Variants in PGA5 observed in about 807,000 individuals in gnomAD.
PGA5 encodes the protein pepsin A-5.
A neutral mutation model predicts 15.9 loss-of-function variants in PGA5; 19 were observed. The ratio of observed to expected loss-of-function variants is 1.19; its 90% CI spans 0.83 to 1.75. The LOEUF (loss-of-function observed/expected upper bound fraction) is 1.75, where lower values mean the gene tolerates loss of function less well. PGA5 is among the 40% of genes most tolerant of loss of function. The pLI, the probability that PGA5 is intolerant of heterozygous loss-of-function variation, is 0.00. For synonymous variants in PGA5, 92 were observed against 95.8 expected, an observed-to-expected ratio of 0.96 and a Z score of 0.23; for missense variants, 224 against 246.4, an observed-to-expected ratio of 0.91 and a Z score of 0.61.
chr11:61,249,066 C>G (rs1590592962), intron 6 of PGA5, among the ~76,000 whole-genome samples: 1 of 152,116 alleles, frequency 6.6e-6, no homozygotes, highest in East Asian at 1.9e-4. Flanking sequence ...TGGGTTTTCC[C>G]AAGAATGAAC....
Position 61,248,173 on chromosome 11 carries a change from C to T in PGA5, c.657-246C>T, listed in dbSNP as rs184424030. The T allele has an allele frequency of 1.8e-4, 154 of 855,860 alleles. No individual in the cohort carries two copies. The East Asian group carries it at 2.6e-3, about 14-fold the overall frequency. The allele number at this position is 855,860 out of a possible 1,614,324, so 53.0% of individuals were successfully genotyped here. Reference sequence around the variant, plus strand: ...TCCAAACGTAGTTCCACCACTCCCCCGCTGTGTGACCTTGGGCAGGTGGCC... The same window carrying T: ...TCCAAACGTAGTTCCACCACTCCCCTGCTGTGTGACCTTGGGCAGGTGGCC... On this transcript the variant is annotated intron_variant, in intron 5 of 8. Coordinates refer to ENST00000312403, the MANE Select transcript of PGA5 (RefSeq NM_014224.5).
Position 61,251,254 on chromosome 11 carries a change from C to G in PGA5, c.1140C>G (p.Asn380Lys). The part of the protein sequence containing the change: ...QYFTVFDRAN[N>K]QVGLAPVA ...TTACCGTCTTCGACAGGGCAAACAA[C>G]CAGGTCGGCCTGGCCCCTGTGGCTT... Residue 380 changes from asparagine to lysine, a missense_variant, in exon 9 of 9, where the codon AAC becomes AAG. Physicochemically the swap from Asn to Lys is moderately conservative, Grantham distance 94 (BLOSUM62 0). Coordinates refer to ENST00000312403, the MANE Select transcript of PGA5 (RefSeq NM_014224.5). The G allele has an allele frequency of 6.2e-7, 1 of 1,611,862 alleles. No individual in the cohort carries two copies. The highest frequency in any genetic ancestry group is 1.1e-5 in the South Asian group (1 of 90,984).
Position 61,246,069 on chromosome 11 carries a change from G to A in PGA5, c.580G>A (p.Gly194Arg), listed in dbSNP as rs763929077. The A allele has an allele frequency of 5.4e-5, 23 of 428,172 alleles. No homozygotes were observed. The highest frequency in any genetic ancestry group is 7.9e-5 in the Non-Finnish European group (20 of 253,356). 26.5% of individuals were successfully genotyped at this position (428,172 alleles called of 1,614,324 possible). A position where few individuals can be genotyped will look rare whatever the true frequency, so the allele number is the denominator to read the frequency against. Reference protein sequence around the residue: ...GLAYPSISSSGATPVFDNIWN... With the variant: ...GLAYPSISSSRATPVFDNIWN... Reference sequence around the variant, plus strand: ...GGCCTACCCCAGCATTTCCTCCTCCGGGGCCACACCCGTCTTTGACAACAT... The same window carrying A: ...GGCCTACCCCAGCATTTCCTCCTCCAGGGCCACACCCGTCTTTGACAACAT... The change falls in exon 5 of 9, where the codon GGG becomes AGG. Residue 194 changes from glycine to arginine, a missense_variant. Coordinates refer to ENST00000312403, the MANE Select transcript of PGA5 (RefSeq NM_014224.5).
intron 5 of PGA5, 58 bp from the exon 6 acceptor site, chr11:61,248,361 A>T (rs563898130): frequency 4.3e-6 from 7 of 1,613,850 alleles, no homozygotes; most frequent in African/African-American, 1.3e-5. Context: ...GCAACAGCAG[A>T]TGGTCACACA....
At chr11:61,247,964 A>G (rs1282222304) in intron 5 of PGA5, among the ~76,000 whole-genome samples, 1 of 151,960 alleles carries the variant, frequency 6.6e-6, no homozygotes, top group Non-Finnish European at 1.5e-5. Flanking sequence ...CAATCATGAC[A>G]ATCCAAAATG....
Position 61,245,926 on chromosome 11 carries a change from A to T in PGA5, c.457-20A>T. 1 of 206,998 alleles carries T rather than the reference A, an allele frequency of 4.8e-6. No homozygotes were observed. Among genetic ancestry groups the T allele is most frequent in the Non-Finnish European group, 8.5e-6 (1 of 117,746 alleles). The allele number at this position is 206,998 out of a possible 1,614,324, so 12.8% of individuals were successfully genotyped here. ...TGAACATGACCCGATGGTGAACATCATCTCGGTTTCCCCACCCAGGTTGGA... is the reference window on the plus strand; with the variant it reads ...TGAACATGACCCGATGGTGAACATCTTCTCGGTTTCCCCACCCAGGTTGGA... On this transcript the variant is annotated intron_variant, in intron 4 of 8. Coordinates refer to ENST00000312403, the MANE Select transcript of PGA5 (RefSeq NM_014224.5).
chr11:61,250,724 G>T (rs1057135277), intron 8 of PGA5: 15 of 468,256 alleles, frequency 3.2e-5, no homozygotes, highest in Non-Finnish European at 5.5e-5. Context: ...TGCAGACAAG[G>T]TCGCAGCCCA....
At position 61,249,900 on chromosome 11, in the gene PGA5, C is replaced by T. The variant is rs768285368; in HGVS notation, c.919-16C>T. 8.7e-6 allele frequency: 14 copies of T among 1,613,620 alleles called. No individual in the cohort carries two copies. The East Asian group carries it at 2.0e-4, about 23-fold the overall frequency. On this transcript the variant is annotated splice_polypyrimidine_tract_variant and intron_variant, in intron 7 of 8. Coordinates refer to ENST00000312403, the MANE Select transcript of PGA5 (RefSeq NM_014224.5). The stretch of plus-strand genomic sequence containing the variant: ...ACGAAAACCCTTCTAACTTTTCTCA[C>T]CCTCACTCTTTCCAGATGGTGGTCA...
In PGA5 at chr11:61,251,031, G is replaced by A. The variant is rs537470718; in HGVS notation, c.1018-101G>A. The A allele has an allele frequency of 8.5e-5, 136 of 1,606,904 alleles. No homozygotes were observed. The South Asian group carries it at 1.2e-3, about 14-fold the overall frequency. ...TGAGCCAGGAAGCTCCTCCTTGCAC[G>A]TGCCTTACAGCTGGACCAGGGCTCC... On this transcript the variant is annotated intron_variant, in intron 8 of 8. Coordinates refer to ENST00000312403, the MANE Select transcript of PGA5 (RefSeq NM_014224.5).
Position 61,251,405 on chromosome 11 carries a change from T to C in PGA5, c.*124T>C, listed in dbSNP as rs958560368. The C allele has an allele frequency of 1.3e-6, 2 of 1,497,956 alleles. No individual in the cohort carries two copies. Among genetic ancestry groups the C allele is most frequent in the Non-Finnish European group, 1.8e-6 (2 of 1,116,472 alleles). The allele number at this position is 1,497,956 out of a possible 1,614,324, so 92.8% of individuals were successfully genotyped here. ...GTGAAGGTCTTGGCCCTGTTCCCTG[T>C]CCTACCAATAACGTAGAATAAAAAC... On this transcript the variant is annotated 3_prime_UTR_variant, in exon 9 of 9. Transcript: ENST00000312403.
At chr11:61,246,181 C>T (rs1171425845) in intron 5 of PGA5, 36 bp downstream of exon 5, 1 of 330,718 alleles carries the variant, frequency 3.0e-6, no homozygotes, top group Non-Finnish European at 5.6e-6. Flanking sequence ...TCCCACCTCC[C>T]CCTCCAGAGG....
intron 8 of PGA5, among the ~76,000 whole-genome samples, chr11:61,250,272 C>T (rs11602879): frequency 6.7e-6 from 1 of 150,162 alleles, no homozygotes; most frequent in African/African-American, 2.5e-5. Context: ...TGGACCCCTG[C>T]GTCCAAGTCC....
Position 61,249,701 on chromosome 11 carries a change from C to A in PGA5, c.806C>A (p.Ala269Asp). 6.2e-7 allele frequency: 1 copy of A among 1,613,524 alleles called. No individual in the cohort carries two copies. Among genetic ancestry groups the A allele is most frequent in the Non-Finnish European group, 8.5e-7 (1 of 1,179,844 alleles). ...ATGAACGGAGAGACCATCGCCTGTG[C>A]TGAGGGCTGCCAGGCCATTGTTGAC... Reference protein sequence around the residue: ...ITMNGETIACAEGCQAIVDTG... With the variant: ...ITMNGETIACDEGCQAIVDTG... Residue 269 changes from alanine to aspartate, a missense_variant, in exon 7 of 9, where the codon GCT (alanine) becomes GAT (aspartate). Physicochemically the swap from Ala to Asp is moderately radical, Grantham distance 126. Transcript: ENST00000312403.
intron 5 of PGA5, among the ~76,000 whole-genome samples, chr11:61,247,658 G>A (rs1854082632): frequency 6.6e-6 from 1 of 151,946 alleles, no homozygotes; most frequent in African/African-American, 2.4e-5. Flanking sequence ...AATGAATATT[G>A]CAATAACAAG....
intron 8 of PGA5, among the ~76,000 whole-genome samples, chr11:61,250,464 T>C (rs1854124738): frequency 6.6e-6 from 1 of 151,420 alleles, no homozygotes; most frequent in Admixed American, 6.6e-5. Context: ...CTAATTTCCA[T>C]AGGCTGGGGC....
At chr11:61,246,569 C>G (rs1296532111) in intron 5 of PGA5, among the ~76,000 whole-genome samples, 1 of 151,806 alleles carries the variant, frequency 6.6e-6, no homozygotes, top group Non-Finnish European at 1.5e-5. Context: ...CAAGACCAGC[C>G]TGGCCAACAT....
chr11:61,249,908 C>T lies in PGA5; in HGVS notation c.919-8C>T, dbSNP rs1156681521. On this transcript the variant is annotated splice_polypyrimidine_tract_variant and splice_region_variant and intron_variant, in intron 7 of 8. Transcript: ENST00000312403. ...CCTTCTAACTTTTCTCACCCTCACT[C>T]TTTCCAGATGGTGGTCAGCTGCTCA... 1.9e-6 allele frequency: 3 copies of T among 1,613,488 alleles called. No homozygotes were observed. Among genetic ancestry groups the T allele is most frequent in the Non-Finnish European group, 2.5e-6 (3 of 1,179,862 alleles).
At chr11:61,250,479 A>T (rs4939511) in intron 8 of PGA5, among the ~76,000 whole-genome samples, 2 of 149,810 alleles carry the variant, frequency 1.3e-5, no homozygotes, top group South Asian at 2.1e-4. Context: ...TGGGGCTTCC[A>T]ACACTTCTAC....
rs1234517497 is a variant in PGA5, at chr11:61,250,147, C to T, written c.1017+133C>T. 1.7e-5 allele frequency: 13 copies of T among 762,834 alleles called. 1 individual carries two copies. Among genetic ancestry groups the T allele is most frequent in the African/African-American group, 1.1e-4 (6 of 55,400 alleles). 47.3% of individuals were successfully genotyped at this position (762,834 alleles called of 1,614,324 possible). A position where few individuals can be genotyped will look rare whatever the true frequency, so the allele number is the denominator to read the frequency against. On this transcript the variant is annotated intron_variant, in intron 8 of 8. Coordinates refer to ENST00000312403, the MANE Select transcript of PGA5 (RefSeq NM_014224.5). ...GAGGCAGACGAACATCTGCCCTAGA[C>T]AGCCTCCAGAGAAAAAGAATATATT... is the stretch of plus-strand genomic sequence containing the variant.
Sources: gnomAD v4.1 joint callset for allele counts (sites outside exome capture counted in the v4.1 genomes callset) on GRCh38, gnomAD v4.1.1 for gene constraint, MANE v1.5 for transcripts, NCBI Gene and HGNC (gene_info 2026-07-23, HGNC 2026-07-21) for gene names.